DRAM1: variants seen among roughly 807,000 people sequenced by gnomAD.
DRAM1 encodes the protein DNA damage regulated autophagy modulator 1.
In DRAM1, 25 loss-of-function variants were observed where a neutral mutation model predicts 28.5. That is an observed-to-expected ratio of 0.88 (90% CI 0.64 to 1.23). The LOEUF is 1.23. Ranked by LOEUF, DRAM1 falls within the 50% of genes most tolerant of loss-of-function variation. The pLI is 0.00. For missense variants in DRAM1, 249 were observed against 299.2 expected, an observed-to-expected ratio of 0.83 and a Z score of 1.24; for synonymous variants, 113 against 114.2, an observed-to-expected ratio of 0.99 and a Z score of 0.07.
At chr12:101,901,258 A>T in intron 2 of DRAM1, 33 bp from the exon 3 acceptor site, 1 of 1,596,664 alleles carries the variant, frequency 6.3e-7, no homozygotes, top group Non-Finnish European at 8.5e-7. Context: ...ACATCAAATT[A>T]TGAACATTCA....
In DRAM1 at chr12:101,877,879, C is replaced by T. The variant is rs1462940818; in HGVS notation, c.90C>T (p.Ala30=). Residue 30 remains alanine, a synonymous_variant, in exon 1 of 7, where the codon GCC becomes GCT. Coordinates refer to ENST00000258534, the MANE Select transcript of DRAM1 (RefSeq NM_018370.3). This position sits in a 1 kb window ranked among gnomAD's most constrained non-coding sequence, Gnocchi z 4.1. ...CCTTCATTATCTCCTACGTGGTCGC[C>T]GTGCTCTCCGGGCACGTCAACCCCT... The part of the protein sequence containing the change: ...SAAFIISYVV[A]VLSGHVNPFL... 1.9e-6 allele frequency: 3 copies of T among 1,544,302 alleles called. No homozygotes were observed. Among genetic ancestry groups the T allele is most frequent in the East Asian group, 2.5e-5 (1 of 40,606 alleles).
chr12:101,912,012 A>G (rs1003554202), intron 4 of DRAM1, among the ~76,000 whole-genome samples: 8 of 152,106 alleles, frequency 5.3e-5, no homozygotes, highest in African/African-American at 1.4e-4. Flanking sequence ...CAGCCTGGCT[A>G]ACGTGGTGAA....
At chr12:101,913,751 G>T (rs1418794882) in intron 4 of DRAM1, among the ~76,000 whole-genome samples, 1 of 151,290 alleles carries the variant, frequency 6.6e-6, no homozygotes, top group Non-Finnish European at 1.5e-5. Flanking sequence ...AGTATTTTAG[G>T]GAAAAAGTAT....
At chr12:101,914,885 TGGCCTCAAGTGATCCCCCCGTCTC>T (rs1371683164) in intron 5 of DRAM1, among the ~76,000 whole-genome samples, 11 of 152,144 alleles carry the variant, frequency 7.2e-5, no homozygotes, top group African/African-American at 2.4e-4. Context: ...TTGGAGCTCC[TGGCCTCAAGTGATCCCCCCGTCTC>T]GGCCTCCCAA....
At chr12:101,919,609 C>T (rs1483401923) in intron 5 of DRAM1, among the ~76,000 whole-genome samples, 1 of 152,164 alleles carries the variant, frequency 6.6e-6, no homozygotes, top group Non-Finnish European at 1.5e-5. Flanking sequence ...AGAACTATTT[C>T]CTGAATGATC....
chr12:101,910,004 G>A (rs1370488594), intron 4 of DRAM1, among the ~76,000 whole-genome samples: 1 of 152,206 alleles, frequency 6.6e-6, no homozygotes, highest in African/African-American at 2.4e-5. Flanking sequence ...GGGCAAGATG[G>A]AGTGAAAACA....
At chr12:101,908,741 A>T (rs146487254) in intron 4 of DRAM1, among the ~76,000 whole-genome samples, 25 of 152,006 alleles carry the variant, frequency 1.6e-4, no homozygotes, top group Admixed American at 1.2e-3. Context: ...TGCTAAACTG[A>T]CTTAGCCAGG....
chr12:101,892,919 G>C (rs1359002456), intron 1 of DRAM1, among the ~76,000 whole-genome samples: 1 of 152,112 alleles, frequency 6.6e-6, no homozygotes, highest in Non-Finnish European at 1.5e-5. Context: ...TTGAAAAGAT[G>C]GGTGTTTAAT....
At chr12:101,908,402 A>T (rs373127866) in intron 4 of DRAM1, 39 bp downstream of exon 4, 138 of 1,571,398 alleles carry the variant, frequency 8.8e-5, no homozygotes, top group Middle Eastern at 1.7e-4. Context: ...AAAGGAATAA[A>T]ACATTCAGTG....
intron 1 of DRAM1, among the ~76,000 whole-genome samples, chr12:101,890,484 A>T (rs1007113442): frequency 1.3e-5 from 2 of 152,250 alleles, no homozygotes; most frequent in Non-Finnish European, 2.9e-5. Context: ...CTCCCTCTTT[A>T]TCACCATACT....
At chr12:101,911,327 C>T (rs1029376012) in intron 4 of DRAM1, among the ~76,000 whole-genome samples, 2 of 152,162 alleles carry the variant, frequency 1.3e-5, no homozygotes, top group Admixed American at 1.3e-4. Context: ...CCGAAGAAAC[C>T]GAGGCACCTA....
chr12:101,904,449 T>G (rs1873725587), intron 3 of DRAM1, among the ~76,000 whole-genome samples: 1 of 103,162 alleles, frequency 9.7e-6, no homozygotes, highest in Admixed American at 9.1e-5. Context: ...TTTTTTTTTT[T>G]TTTTTTTTTT....
intron 1 of DRAM1, among the ~76,000 whole-genome samples, chr12:101,895,059 TTCCCATTCCTGTC>T (rs1389466004): frequency 1.3e-5 from 2 of 152,128 alleles, no homozygotes; most frequent in Non-Finnish European, 2.9e-5. Context: ...CCATTACTGG[TTCCCATTCCTGTC>T]TCTCTGCCCA....
intron 5 of DRAM1, among the ~76,000 whole-genome samples, chr12:101,917,185 A>G (rs1874278409): frequency 6.6e-6 from 1 of 152,310 alleles, no homozygotes; most frequent in East Asian, 1.9e-4. Flanking sequence ...AAATAGTGAG[A>G]GGGATGGTTC....
rs1241613576 is a variant in DRAM1 at position 101,906,236 on chromosome 12, A to G, written c.343-1950A>G. On this transcript the variant is annotated intron_variant, in intron 3 of 6. Coordinates refer to ENST00000258534, the MANE Select transcript of DRAM1 (RefSeq NM_018370.3). ...AAATACATTTCCTTAGAAATAAGTTAAAAGGTCTTTTTTTTTTTCTGCACC... is the reference window on the plus strand; with the variant it reads ...AAATACATTTCCTTAGAAATAAGTTGAAAGGTCTTTTTTTTTTTCTGCACC... Among the ~76,000 whole-genome samples the G allele has an allele frequency of 2.0e-5, 3 of 151,956 alleles. No individual in the cohort carries two copies. In the East Asian group the frequency reaches 5.8e-4, roughly 29 times the overall value.
intron 4 of DRAM1, 128 bp downstream of exon 4, chr12:101,908,491 C>T: frequency 1.0e-6 from 1 of 954,374 alleles, no homozygotes; most frequent in Non-Finnish European, 1.6e-6. Context: ...AGAGATTGGG[C>T]TCAACTCTGA....
At chr12:101,885,900 G>A (rs1872870633) in intron 1 of DRAM1, among the ~76,000 whole-genome samples, 1 of 152,138 alleles carries the variant, frequency 6.6e-6, no homozygotes, top group African/African-American at 2.4e-5. Flanking sequence ...CAAAATATAT[G>A]CTCCATGAGG....
intron 4 of DRAM1, among the ~76,000 whole-genome samples, chr12:101,910,829 G>C (rs1048904988): frequency 3.3e-5 from 5 of 152,090 alleles, no homozygotes; most frequent in Non-Finnish European, 5.9e-5. Context: ...GCCCCATACA[G>C]AAAGGGGTTA....
chr12:101,882,691 T>C (rs926759302), intron 1 of DRAM1, among the ~76,000 whole-genome samples: 4 of 151,226 alleles, frequency 2.6e-5, no homozygotes, highest in Admixed American at 1.3e-4. Context: ...TTGATACTAG[T>C]ACTGGTGAGA....
Sources: allele counts gnomAD v4.1 joint callset (sites outside exome capture counted in the v4.1 genomes callset), GRCh38; gene constraint gnomAD v4.1.1; non-coding constraint Gnocchi (gnomAD v3.1); transcripts MANE v1.5; gene names NCBI Gene and HGNC (gene_info 2026-07-23, HGNC 2026-07-21).